DEUP1: variants seen among roughly 807,000 people sequenced by gnomAD.
DEUP1 encodes deuterosome assembly protein 1, also known as coiled-coil domain containing 67.
DEUP1 carries 82 observed loss-of-function variants against 87.4 expected under a neutral mutation model. The ratio of observed to expected loss-of-function variants is 0.94; its 90% confidence interval spans 0.78 to 1.13. The LOEUF (loss-of-function observed/expected upper bound fraction) is 1.13, where lower values mean the gene tolerates loss of function less well. Ranked by LOEUF, DEUP1 falls within the 50% of genes most tolerant of loss-of-function variation. The probability of loss-of-function intolerance (pLI) is 0.00; values close to 1 mark genes in which losing one functional copy is unlikely to be tolerated. For synonymous variants in DEUP1, 214 were observed against 222.7 expected (o/e 0.96, Z 0.35); for missense variants, 663 against 681.5 (o/e 0.97, Z 0.30).
intron 8 of DEUP1, among the ~76,000 whole-genome samples, chr11:93,386,009 TGCCAC>T (rs1946529917): frequency 6.6e-6 from 1 of 151,598 alleles, no homozygotes; most frequent in Non-Finnish European, 1.5e-5. Flanking sequence ...GCTGTGATCG[TGCCAC>T]TGTACACCAG....
chr11:93,411,513 TTA>T (rs1282518028), intron 12 of DEUP1, among the ~76,000 whole-genome samples: 1 of 152,178 alleles, frequency 6.6e-6, no homozygotes, highest in African/African-American at 2.4e-5. Context: ...GTGAAGCATT[TTA>T]GGATATTCTA....
chr11:93,385,311 T>C, intron 7 of DEUP1, 87 bp from the exon 8 acceptor site: 7 of 1,215,116 alleles, frequency 5.8e-6, no homozygotes, highest in Non-Finnish European at 8.2e-6. Context: ...AAAATTAGGC[T>C]GGTTTATAGA....
intron 2 of DEUP1, among the ~76,000 whole-genome samples, chr11:93,345,144 A>G (rs1944281164): frequency 6.6e-6 from 1 of 152,174 alleles, no homozygotes; most frequent in Non-Finnish European, 1.5e-5. Flanking sequence ...TCTACTAAGG[A>G]TAATGGCCTC....
chr11:93,408,270 T>C lies in DEUP1; in HGVS notation c.1366T>C (p.Ser456Pro), dbSNP rs372744660. ...FTNREQSRHT[S>P]INKLQYENER... Reference sequence around the variant, plus strand: ...TAACAGGGAACAGTCAAGGCATACATCTATTAATAAACTGCAATATGAGAA... The same window carrying C: ...TAACAGGGAACAGTCAAGGCATACACCTATTAATAAACTGCAATATGAGAA... Residue 456 changes from serine to proline, a missense_variant, in exon 12 of 14, where the codon TCT (serine) becomes CCT (proline). By Grantham distance (74) the Ser-to-Pro change is moderately conservative. Coordinates refer to ENST00000298050, the MANE Select transcript of DEUP1 (RefSeq NM_181645.4). The C allele has an allele frequency of 2.5e-6, 4 of 1,584,588 alleles. No individual in the cohort carries two copies. The African/African-American group carries it at 5.4e-5, about 21-fold the overall frequency.
rs138936388 is a variant in DEUP1 at position 93,406,853 on chromosome 11, C to T, written c.1327-1378C>T. The stretch of plus-strand genomic sequence containing the variant: ...CTAATGAAAAAATAAGTTAAGGACA[C>T]AAATAGACAATTGACAAAAGATAGA... On this transcript the variant is annotated intron_variant, in intron 11 of 13. Coordinates refer to ENST00000298050, the MANE Select transcript of DEUP1 (RefSeq NM_181645.4). Among the ~76,000 whole-genome samples, 16 of 151,890 alleles carry T rather than the reference C, an allele frequency of 1.1e-4. No homozygotes were observed. The East Asian group carries it at 2.1e-3, about 20-fold the overall frequency.
intron 13 of DEUP1, among the ~76,000 whole-genome samples, chr11:93,427,061 G>A (rs1213705491): frequency 1.9e-4 from 21 of 111,092 alleles, no homozygotes; most frequent in African/African-American, 6.4e-4. Flanking sequence ...AAGGTAATTT[G>A]TAGATTCAGT....
In DEUP1 at chr11:93,389,058, A is replaced by G. The variant is rs770333710; in HGVS notation, c.974A>G (p.Glu325Gly). 5 of 1,599,308 alleles carry G rather than the reference A, an allele frequency of 3.1e-6. No homozygotes were observed. In the South Asian group the frequency reaches 4.6e-5, roughly 15 times the overall value. Reference protein sequence around the residue: ...SSYLPSIKEPERKIKELFSVM... With the variant: ...SSYLPSIKEPGRKIKELFSVM... Reference sequence around the variant, plus strand: ...TATTTGCCTTCTATTAAAGAACCAGAAAGGAAAATAAAAGAGCTGTTTTCA... The same window carrying G: ...TATTTGCCTTCTATTAAAGAACCAGGAAGGAAAATAAAAGAGCTGTTTTCA... Residue 325 changes from glutamate (E) to glycine (G), a missense_variant, in exon 9 of 14, where the codon GAA becomes GGA. Physicochemically the swap from Glu to Gly is moderately conservative, Grantham distance 98. Coordinates refer to ENST00000298050, the MANE Select transcript of DEUP1 (RefSeq NM_181645.4).
intron 13 of DEUP1, among the ~76,000 whole-genome samples, chr11:93,427,809 G>A (rs1297842890): frequency 7.1e-6 from 1 of 140,418 alleles, no homozygotes; most frequent in Non-Finnish European, 1.5e-5. Flanking sequence ...TCAAAAAGTC[G>A]GCGAAGGTCA....
intron 3 of DEUP1, among the ~76,000 whole-genome samples, chr11:93,356,608 A>C (rs1330196142): frequency 6.6e-6 from 1 of 152,192 alleles, no homozygotes; most frequent in Non-Finnish European, 1.5e-5. Flanking sequence ...AGAAAAAAAA[A>C]GCTGAATTAT....
At chr11:93,394,420 A>G (rs1565332029) in intron 9 of DEUP1, 39 bp from the exon 10 acceptor site, 40 of 1,441,600 alleles carry the variant, frequency 2.8e-5, no homozygotes, top group Non-Finnish European at 3.7e-5. Context: ...TCTATAAATA[A>G]AAGGATTCAA....
At chr11:93,414,073 C>A (rs1008376327) in intron 12 of DEUP1, among the ~76,000 whole-genome samples, 40 of 152,000 alleles carry the variant, frequency 2.6e-4, no homozygotes, top group Non-Finnish European at 2.4e-4. Flanking sequence ...TCATAACAAC[C>A]CTTTTATAAG....
At chr11:93,361,366 CAT>C (rs1439041863) in intron 4 of DEUP1, among the ~76,000 whole-genome samples, 1 of 151,958 alleles carries the variant, frequency 6.6e-6, no homozygotes, top group African/African-American at 2.4e-5. Context: ...GAGTAAAAAA[CAT>C]GGGGGGAAAT....
At position 93,336,087 on chromosome 11, in the gene DEUP1, T is replaced by G. The variant is rs564872664; in HGVS notation, c.29+3799T>G. 1.0e-3 allele frequency among the ~76,000 whole-genome samples: 153 copies of G among 152,250 alleles called. 2 individuals carry two copies. The highest frequency in any genetic ancestry group is 1.7e-3 in the Admixed American group (26 of 15,296). On this transcript the variant is annotated intron_variant, in intron 2 of 13. Transcript: ENST00000298050. ...GAGATTGTGCCATTCCACTCCAGCC[T>G]GGGCAACAAGAACAAAACTCCATCT...
intron 4 of DEUP1, among the ~76,000 whole-genome samples, chr11:93,360,981 G>T (rs1470327301): frequency 6.7e-6 from 1 of 148,808 alleles, no homozygotes; most frequent in Non-Finnish European, 1.5e-5. Context: ...TCAAAAGACA[G>T]CCATATTAAG....
At chr11:93,334,641 T>C (rs551140280) in intron 2 of DEUP1, among the ~76,000 whole-genome samples, 19 of 152,318 alleles carry the variant, frequency 1.2e-4, no homozygotes, top group African/African-American at 4.6e-4. Flanking sequence ...CCAAGGCCTA[T>C]GGTGGGAGCT....
intron 7 of DEUP1, among the ~76,000 whole-genome samples, chr11:93,378,854 A>G (rs1946165264): frequency 1.3e-5 from 2 of 152,014 alleles, no homozygotes. Flanking sequence ...CTTGGAGCAA[A>G]AGTTCATGAT....
At chr11:93,369,351 G>T (rs2134259914) in intron 5 of DEUP1, among the ~76,000 whole-genome samples, 1 of 151,694 alleles carries the variant, frequency 6.6e-6, no homozygotes, top group African/African-American at 2.4e-5. Flanking sequence ...ATAAGTCCAA[G>T]CCCCACCCTC....
At chr11:93,379,151 C>T (rs1335981658) in intron 7 of DEUP1, among the ~76,000 whole-genome samples, 2 of 152,140 alleles carry the variant, frequency 1.3e-5, no homozygotes. Flanking sequence ...TCTATTGGGG[C>T]CATTTACAGG....
intron 9 of DEUP1, among the ~76,000 whole-genome samples, chr11:93,392,981 G>A (rs1044571815): frequency 8.6e-6 from 1 of 116,768 alleles, no homozygotes; most frequent in Admixed American, 9.4e-5. Flanking sequence ...CTCCTCCTCC[G>A]AGCCCTCCTC....
Sources: allele counts gnomAD v4.1 joint callset (sites outside exome capture counted in the v4.1 genomes callset), GRCh38; gene constraint gnomAD v4.1.1; transcripts MANE v1.5; gene names NCBI Gene and HGNC (gene_info 2026-07-23, HGNC 2026-07-21).